The following DAB1 variants were observed in gnomAD, a reference collection of about 807,000 sequenced individuals.
The protein encoded by DAB1 is disabled homolog 1.
Under a neutral mutation model 64.6 loss-of-function variants are expected in DAB1, and 15 were observed. The observed-to-expected ratio is 0.23, with a 90% CI of 0.16 to 0.36. The LOEUF (loss-of-function observed/expected upper bound fraction) is 0.36. Ranked by LOEUF, DAB1 falls within the 10% of genes least tolerant of loss-of-function variation. The pLI, the probability that DAB1 is intolerant of heterozygous loss-of-function variation, is 1.00. For synonymous variants in DAB1, 235 were observed against 251.9 expected (o/e 0.93, Z 0.64); for missense variants, 596 against 706.7 (o/e 0.84, Z 1.78).
chr1:57,719,590 C>T (rs536178220), intron 6 of DAB1, among the ~76,000 whole-genome samples: 6 of 152,118 alleles, frequency 3.9e-5, no homozygotes, highest in Non-Finnish European at 8.8e-5. Context: ...TGAGTTCTCA[C>T]GAGATCAAAT....
intron 4 of DAB1, among the ~76,000 whole-genome samples, chr1:58,209,321 G>C (rs955189726): frequency 1.3e-5 from 2 of 152,136 alleles, no homozygotes; most frequent in Non-Finnish European, 2.9e-5. Context: ...AATCGTCTTT[G>C]TTGTAGAACA....
intron 2 of DAB1, among the ~76,000 whole-genome samples, chr1:57,287,214 G>A (rs947752817): frequency 5.3e-5 from 8 of 152,250 alleles, no homozygotes; most frequent in African/African-American, 1.9e-4. Context: ...TGGGACTACT[G>A]GCATGCGCCG....
At chr1:57,497,426 T>G (rs149540150) in intron 7 of DAB1, among the ~76,000 whole-genome samples, 14 of 152,322 alleles carry the variant, frequency 9.2e-5, no homozygotes, top group African/African-American at 3.4e-4. Flanking sequence ...TTCCTAGCAC[T>G]GGTATAAGCA....
chr1:57,337,873 CTCCCCTCCCTTCCCT>C (rs113016931), intron 1 of DAB1, among the ~76,000 whole-genome samples: 44,307 of 147,914 alleles, frequency 0.3, 7,055 homozygotes, highest in Non-Finnish European at 0.36. Flanking sequence ...CTTCCCTCCC[CTCCCCTCCCTTCCCT>C]TCCCTTCCCT....
In DAB1 at chr1:57,095,573, C is replaced by T. The variant is rs1048927557; in HGVS notation, c.307-23159G>A. 3.9e-5 allele frequency among the ~76,000 whole-genome samples: 6 copies of T among 152,166 alleles called. No individual in the cohort carries two copies. In the South Asian group the frequency reaches 1.2e-3, roughly 31 times the overall value. On this transcript the variant is annotated intron_variant, in intron 4 of 14. Coordinates refer to ENST00000371236, the MANE Select transcript of DAB1 (RefSeq NM_001365792.1). ...ACTTTGGGTTGACGATTAACGGCAT[C>T]ATATATATGAAGTGTCCACCCTGAT... is the stretch of plus-strand genomic sequence containing the variant.
At chr1:57,390,462 T>C (rs1682256599) in intron 1 of DAB1, among the ~76,000 whole-genome samples, 2 of 152,208 alleles carry the variant, frequency 1.3e-5, no homozygotes, top group South Asian at 4.1e-4. Context: ...TAATCACGAT[T>C]GTACTCCTGA....
At chr1:58,464,127 C>A (rs1388999418) in intron 3 of DAB1, among the ~76,000 whole-genome samples, 1 of 152,188 alleles carries the variant, frequency 6.6e-6, no homozygotes, top group Non-Finnish European at 1.5e-5. Context: ...GCTCTGGCCA[C>A]CAATCCACAA....
intron 5 of DAB1, among the ~76,000 whole-genome samples, chr1:58,065,266 C>T (rs1648784617): frequency 6.6e-6 from 1 of 152,116 alleles, no homozygotes; most frequent in South Asian, 2.1e-4. Flanking sequence ...GGATGTTTAG[C>T]TTCAAATGCA....
chr1:57,328,257 C>T (rs926999316), intron 1 of DAB1, among the ~76,000 whole-genome samples: 11 of 152,284 alleles, frequency 7.2e-5, no homozygotes, highest in East Asian at 5.8e-4. Flanking sequence ...GAATGGCTAG[C>T]GGCAGATCTT....
Position 57,122,038 on chromosome 1 carries a change from A to G in DAB1, c.306+14505T>C, listed in dbSNP as rs191579009. On this transcript the variant is annotated intron_variant, in intron 4 of 14. Coordinates refer to ENST00000371236, the MANE Select transcript of DAB1 (RefSeq NM_001365792.1). ...CATAGTGTCTCTGTATTATATCTCT[A>G]TTTTGCAAACATTGCCTGTACGATC... Among the ~76,000 whole-genome samples, 13 of 152,180 alleles carry G rather than the reference A, an allele frequency of 8.5e-5. No individual in the cohort carries two copies. The East Asian group carries it at 2.1e-3, about 25-fold the overall frequency.
rs59449665 is a variant in DAB1, at chr1:58,031,989, CGTGTGTGTGTGTGTGTGTGTGT to C, written n.387+118500_387+118521del. ...TCACAGCTGCAAGTACTGATAGAAA[CGTGTGTGTGTGTGTGTGTGTGT>C]GTGTGTGTGTGTGTGTGTGTGTGTG... is the stretch of plus-strand genomic sequence containing the variant. On this transcript the variant is annotated intron_variant and non_coding_transcript_variant, in intron 5 of 20. Transcript: ENST00000485760. Among the ~76,000 whole-genome samples the C allele has an allele frequency of 8.8e-3, 1,250 of 141,966 alleles. 5 individuals are homozygous for C. The highest frequency in any genetic ancestry group is 0.01 in the Non-Finnish European group (682 of 65,752). The allele number at this position is 141,966 out of a possible 152,430, so 93.1% of individuals were successfully genotyped here. A position where few individuals can be genotyped will look rare whatever the true frequency, so the allele number is the denominator to read the frequency against.
chr1:58,039,548 A>G (rs946429385), intron 5 of DAB1, among the ~76,000 whole-genome samples: 20 of 152,198 alleles, frequency 1.3e-4, no homozygotes, highest in African/African-American at 4.8e-4. Flanking sequence ...CAAAATAATA[A>G]CAGAACCTAT....
rs1286347039 is a variant in DAB1, at chr1:57,665,175, A to G, written n.552-15510T>C. 3.9e-5 allele frequency among the ~76,000 whole-genome samples: 6 copies of G among 152,220 alleles called. No homozygotes were observed. In the East Asian group the frequency reaches 1.2e-3, roughly 29 times the overall value. On this transcript the variant is annotated intron_variant and non_coding_transcript_variant, in intron 6 of 20. Transcript: ENST00000485760. The stretch of plus-strand genomic sequence containing the variant: ...AAATTGACAAGAATAATATTTTGAT[A>G]CCTCAATATAAATGAATAAAAGATA...
At chr1:58,112,591 C>CA (rs1434464853) in intron 5 of DAB1, among the ~76,000 whole-genome samples, 2 of 152,108 alleles carry the variant, frequency 1.3e-5, no homozygotes, top group Admixed American at 1.3e-4. Context: ...ATGTTTCTAG[C>CA]AAAAAATGCC....
chr1:57,526,420 G>C (rs1357784), intron 7 of DAB1, among the ~76,000 whole-genome samples: 1 of 152,218 alleles, frequency 6.6e-6, no homozygotes, highest in Non-Finnish European at 1.5e-5. Context: ...GCATGCTTTC[G>C]TATTGGACTT....
At chr1:57,187,907 C>T (rs1012898305) in intron 2 of DAB1, among the ~76,000 whole-genome samples, 2 of 151,924 alleles carry the variant, frequency 1.3e-5, no homozygotes, top group Non-Finnish European at 2.9e-5. Context: ...AGAGACCCCG[C>T]AAGGAGGGAG....
chr1:58,519,791 CAT>C (rs1295893086), intron 2 of DAB1, among the ~76,000 whole-genome samples: 13 of 151,776 alleles, frequency 8.6e-5, no homozygotes, highest in African/African-American at 2.7e-4. Flanking sequence ...AACAAAGAAA[CAT>C]ATGACAAAAT....
In DAB1 at chr1:57,475,805, G is replaced by T. The variant is rs1343292919; in HGVS notation, n.625+173787C>A. Among the ~76,000 whole-genome samples, 7 of 152,330 alleles carry T rather than the reference G, an allele frequency of 4.6e-5. No homozygotes were observed. In the South Asian group the frequency reaches 1.0e-3, roughly 23 times the overall value. ...TTATAGACTGTGAGCTCCTTGAGTG[G>T]GGGAACTGTGTCTTGTTATCTTCAT... On this transcript the variant is annotated intron_variant and non_coding_transcript_variant, in intron 7 of 20. Transcript: ENST00000485760.
intron 11 of DAB1, among the ~76,000 whole-genome samples, chr1:57,022,922 G>T (rs1646667423): frequency 6.6e-6 from 1 of 152,246 alleles, no homozygotes; most frequent in African/African-American, 2.4e-5. Flanking sequence ...TAACTCACCT[G>T]CAATACTGCC....
Sources: gnomAD v4.1 joint callset for allele counts (sites outside exome capture counted in the v4.1 genomes callset) on GRCh38, gnomAD v4.1.1 for gene constraint, MANE v1.5 for transcripts, NCBI Gene and HGNC (gene_info 2026-07-23, HGNC 2026-07-21) for gene names.